The following GPC5 variants were observed in gnomAD, a reference collection of about 807,000 sequenced individuals.
The protein encoded by GPC5 is glypican 5, also known as glypican-5.
A neutral mutation model predicts 53.9 loss-of-function variants in GPC5; 47 were observed. The observed-to-expected ratio is 0.87, with a 90% CI of 0.69 to 1.11. The LOEUF (loss-of-function observed/expected upper bound fraction) is 1.11, where lower values mean the gene tolerates loss of function less well. Among genes scored for constraint, GPC5 ranks in the 50% most tolerant of loss-of-function variants. GPC5 has a pLI of 0.00. For missense variants in GPC5, 748 were observed against 713.1 expected (o/e 1.05, Z -0.56); for synonymous variants, 286 against 263.3 (o/e 1.09, Z -0.84).
chr13:92,605,586 T>A (rs1208528620), intron 7 of GPC5, among the ~76,000 whole-genome samples: 10 of 149,354 alleles, frequency 6.7e-5, no homozygotes, highest in Non-Finnish European at 1.5e-4. Context: ...GTTTTTTTTT[T>A]TTTTTTATTT....
At chr13:92,370,748 T>C (rs2043643669) in intron 7 of GPC5, among the ~76,000 whole-genome samples, 1 of 152,226 alleles carries the variant, frequency 6.6e-6, no homozygotes, top group Non-Finnish European at 1.5e-5. Flanking sequence ...GTTTAATTTT[T>C]TATAAGATAT....
intron 6 of GPC5, among the ~76,000 whole-genome samples, chr13:91,915,348 TA>T (rs1203566261): frequency 6.6e-6 from 1 of 152,142 alleles, no homozygotes; most frequent in Non-Finnish European, 1.5e-5. Flanking sequence ...ACATTTCATT[TA>T]AAAAAATCAA....
intron 7 of GPC5, among the ~76,000 whole-genome samples, chr13:92,310,968 A>C (rs564408920): frequency 6.6e-6 from 1 of 152,166 alleles, no homozygotes; most frequent in African/African-American, 2.4e-5. Context: ...TCATTATTCC[A>C]CGAATATTTT....
intron 5 of GPC5, among the ~76,000 whole-genome samples, chr13:91,775,492 C>T (rs2037696747): frequency 6.6e-6 from 1 of 152,086 alleles, no homozygotes; most frequent in Non-Finnish European, 1.5e-5. Context: ...GTGTACAAAT[C>T]CCTTCACTGT....
At chr13:91,928,372 A>G (rs2039788854) in intron 6 of GPC5, among the ~76,000 whole-genome samples, 1 of 152,206 alleles carries the variant, frequency 6.6e-6, no homozygotes, top group African/African-American at 2.4e-5. Flanking sequence ...TTAGTGGAAT[A>G]ACTCTATATG....
chr13:92,743,735 C>T (rs1889167914), intron 7 of GPC5, among the ~76,000 whole-genome samples: 1 of 152,064 alleles, frequency 6.6e-6, no homozygotes, highest in African/African-American at 2.4e-5. Flanking sequence ...TCATAAATAG[C>T]TCTTATTATT....
intron 4 of GPC5, among the ~76,000 whole-genome samples, chr13:91,753,061 C>T (rs2037213310): frequency 6.6e-6 from 1 of 152,164 alleles, no homozygotes; most frequent in Non-Finnish European, 1.5e-5. Flanking sequence ...AATTTGATGA[C>T]TATTTATTGG....
intron 2 of GPC5, among the ~76,000 whole-genome samples, chr13:91,449,389 C>A (rs972624085): frequency 4.0e-5 from 6 of 151,850 alleles, no homozygotes; most frequent in African/African-American, 1.5e-4. Context: ...GATACATGTG[C>A]AGAACATGCA....
At position 92,177,621 on chromosome 13, in the gene GPC5, T is replaced by C. The variant is rs9560960; in HGVS notation, c.1561+32632T>C. ...AGATATGCACAGTCTCTGATTAAAA[T>C]GATTTCTTGCATCCCAGAAGCTTCT... On this transcript the variant is annotated intron_variant, in intron 7 of 7. Coordinates refer to ENST00000377067, the MANE Select transcript of GPC5 (RefSeq NM_004466.6). Among the ~76,000 whole-genome samples the C allele has an allele frequency of 7.5e-3, 1,148 of 152,280 alleles. 9 individuals carry two copies. Among genetic ancestry groups the C allele is most frequent in the South Asian group, 0.032 (154 of 4,826 alleles).
rs954582882 is a variant in GPC5 at position 92,740,021 on chromosome 13, C to A, written c.1562-126261C>A. Among the ~76,000 whole-genome samples the A allele has an allele frequency of 9.2e-5, 14 of 152,068 alleles. No individual in the cohort carries two copies. In the Middle Eastern group the frequency reaches 0.01, roughly 111 times the overall value. On this transcript the variant is annotated intron_variant, in intron 7 of 7. Coordinates refer to ENST00000377067, the MANE Select transcript of GPC5 (RefSeq NM_004466.6). ...ATTTACCTCAGTACAGCCCATTGGCCCCTCTGGAAGCCCTCAGCACTTGTT... is the reference window on the plus strand; with the variant it reads ...ATTTACCTCAGTACAGCCCATTGGCACCTCTGGAAGCCCTCAGCACTTGTT...
At chr13:92,429,317 G>A (rs1299020887) in intron 7 of GPC5, among the ~76,000 whole-genome samples, 2 of 151,646 alleles carry the variant, frequency 1.3e-5, no homozygotes, top group Non-Finnish European at 2.9e-5. Flanking sequence ...CAAGATAGTC[G>A]CCACATTTCA....
intron 7 of GPC5, among the ~76,000 whole-genome samples, chr13:92,160,349 A>G (rs1212804424): frequency 6.6e-6 from 1 of 152,222 alleles, no homozygotes; most frequent in African/African-American, 2.4e-5. Flanking sequence ...TTAAACCAAA[A>G]CATAATTATC....
intron 2 of GPC5, among the ~76,000 whole-genome samples, chr13:91,612,567 A>G (rs537187315): frequency 2.5e-4 from 38 of 152,326 alleles, no homozygotes; most frequent in African/African-American, 8.9e-4. Flanking sequence ...ATAAAGGGGA[A>G]TCTACGATGT....
intron 2 of GPC5, among the ~76,000 whole-genome samples, chr13:91,576,939 A>G (rs2032160828): frequency 6.6e-6 from 1 of 152,206 alleles, no homozygotes; most frequent in Admixed American, 6.5e-5. Context: ...GTAAAAAAAA[A>G]AAATTTGTAT....
At chr13:92,034,562 C>T (rs1031952733) in intron 6 of GPC5, among the ~76,000 whole-genome samples, 1 of 152,004 alleles carries the variant, frequency 6.6e-6, no homozygotes, top group African/African-American at 2.4e-5. Flanking sequence ...ATAAGAGAGT[C>T]ATTTCTACTA....
At chr13:92,754,990 T>A (rs972460788) in intron 7 of GPC5, among the ~76,000 whole-genome samples, 4 of 152,070 alleles carry the variant, frequency 2.6e-5, no homozygotes, top group African/African-American at 9.7e-5. Context: ...CTAACACACA[T>A]CTACAGAACT....
At chr13:92,344,813 T>C (rs2043397017) in intron 7 of GPC5, among the ~76,000 whole-genome samples, 1 of 152,178 alleles carries the variant, frequency 6.6e-6, no homozygotes, top group African/African-American at 2.4e-5. Flanking sequence ...ATAGTCAAAC[T>C]TTTGATTACA....
At chr13:92,717,573 C>T (rs190692699) in intron 7 of GPC5, among the ~76,000 whole-genome samples, 18 of 152,302 alleles carry the variant, frequency 1.2e-4, no homozygotes, top group Middle Eastern at 3.4e-3. Context: ...TCTCCTTCTT[C>T]TCCTACCACA....
chr13:92,606,703 G>A (rs1884272061), intron 7 of GPC5, among the ~76,000 whole-genome samples: 1 of 151,944 alleles, frequency 6.6e-6, no homozygotes, highest in Non-Finnish European at 1.5e-5. Context: ...ATTTAATACT[G>A]CCTCTGTTTG....
Sources: gnomAD v4.1 joint callset for allele counts (sites outside exome capture counted in the v4.1 genomes callset) on GRCh38, gnomAD v4.1.1 for gene constraint, MANE v1.5 for transcripts, NCBI Gene and HGNC (gene_info 2026-07-23, HGNC 2026-07-21) for gene names.